Variants in ADGRB3 observed in about 807,000 individuals in gnomAD.
The protein encoded by ADGRB3 is adhesion G protein-coupled receptor B3.
ADGRB3 carries 37 observed loss-of-function variants against 193.4 expected under a neutral mutation model. The observed-to-expected ratio is 0.19, with a 90% confidence interval of 0.15 to 0.25. ADGRB3 has a LOEUF of 0.25. Among genes scored for constraint, ADGRB3 ranks in the 10% least tolerant of loss-of-function variants. The pLI is 1.00. For missense variants in ADGRB3, 1,637 were observed against 1,852.9 expected (o/e 0.88, Z 2.14); for synonymous variants, 690 against 644.2 (o/e 1.07, Z -1.08).
intron 13 of ADGRB3, among the ~76,000 whole-genome samples, chr6:69,019,368 T>C (rs985192841): frequency 7.9e-5 from 12 of 152,042 alleles, no homozygotes; most frequent in Non-Finnish European, 1.6e-4. Flanking sequence ...ATTTATGCTT[T>C]AGTTTCTGGA....
intron 11 of ADGRB3, among the ~76,000 whole-genome samples, chr6:69,007,026 T>A (rs1008854467): frequency 1.3e-5 from 2 of 152,112 alleles, no homozygotes; most frequent in Non-Finnish European, 2.9e-5. Context: ...GGGTCTCTTT[T>A]CTTAGCTATG....
intron 3 of ADGRB3, among the ~76,000 whole-genome samples, chr6:68,860,746 T>C (rs572385221): frequency 1.3e-5 from 2 of 152,336 alleles, no homozygotes; most frequent in African/African-American, 4.8e-5. Flanking sequence ...TTTTTTTTCC[T>C]GTGGGGAGAT....
At chr6:69,305,538 C>T (rs1460814012) in intron 20 of ADGRB3, among the ~76,000 whole-genome samples, 1 of 151,098 alleles carries the variant, frequency 6.6e-6, no homozygotes, top group African/African-American at 2.4e-5. Flanking sequence ...TACCCTTCTG[C>T]ATGTAAGTCC....
chr6:69,171,740 A>G (rs541144205), intron 17 of ADGRB3, among the ~76,000 whole-genome samples: 61 of 151,790 alleles, frequency 4.0e-4, no homozygotes, highest in African/African-American at 1.4e-3. Context: ...ACTTAGCATA[A>G]AGAATGAATA....
At chr6:68,836,347 C>A (rs1425195459) in intron 3 of ADGRB3, among the ~76,000 whole-genome samples, 3 of 142,824 alleles carry the variant, frequency 2.1e-5, no homozygotes, top group Non-Finnish European at 4.6e-5. Flanking sequence ...TTCTTCCCTG[C>A]ACCATTTTTT....
At chr6:69,150,420 T>C (rs1278025901) in intron 17 of ADGRB3, among the ~76,000 whole-genome samples, 3 of 152,186 alleles carry the variant, frequency 2.0e-5, no homozygotes. Flanking sequence ...AATTCCAGTC[T>C]ACTGTGAATG....
chr6:68,857,826 C>T (rs1765030758), intron 3 of ADGRB3, among the ~76,000 whole-genome samples: 1 of 152,124 alleles, frequency 6.6e-6, no homozygotes, highest in Admixed American at 6.5e-5. Flanking sequence ...ACCCAAATCT[C>T]ATCTTGTAGC....
intron 17 of ADGRB3, among the ~76,000 whole-genome samples, chr6:69,182,980 T>G (rs1276153264): frequency 2.6e-5 from 4 of 152,276 alleles, no homozygotes; most frequent in South Asian, 4.1e-4. Context: ...CTCATAAAAT[T>G]GAATAACTAC....
chr6:69,217,864 T>C (rs933674069), intron 17 of ADGRB3, among the ~76,000 whole-genome samples: 2 of 151,980 alleles, frequency 1.3e-5, no homozygotes, highest in African/African-American at 4.8e-5. Flanking sequence ...AATGTAACTA[T>C]AGCATTTTTC....
At chr6:68,757,282 GT>G (rs1766314977) in intron 3 of ADGRB3, among the ~76,000 whole-genome samples, 1 of 151,990 alleles carries the variant, frequency 6.6e-6, no homozygotes, top group Non-Finnish European at 1.5e-5. Flanking sequence ...CTCTTGCTGT[GT>G]TTTGCTCACC....
intron 17 of ADGRB3, among the ~76,000 whole-genome samples, chr6:69,230,948 A>T (rs1195875474): frequency 6.6e-6 from 1 of 152,240 alleles, no homozygotes; most frequent in Admixed American, 6.5e-5. Context: ...TATAGTTCTA[A>T]AGAATGATAA....
chr6:69,231,387 G>GT (rs2127256082), intron 17 of ADGRB3, among the ~76,000 whole-genome samples: 1 of 152,302 alleles, frequency 6.6e-6, no homozygotes, highest in South Asian at 2.1e-4. Flanking sequence ...ACTGAAAAGT[G>GT]TAAGTACTGG....
intron 17 of ADGRB3, among the ~76,000 whole-genome samples, chr6:69,196,802 T>C (rs1372027558): frequency 6.6e-6 from 1 of 152,150 alleles, no homozygotes; most frequent in Non-Finnish European, 1.5e-5. Context: ...TCATTCGTTT[T>C]GCTTTTATTT....
chr6:68,893,590 G>T (rs529837134), intron 3 of ADGRB3, among the ~76,000 whole-genome samples: 16 of 143,458 alleles, frequency 1.1e-4, no homozygotes, highest in African/African-American at 4.1e-4. Flanking sequence ...GATTTAAAAA[G>T]AAAAAAGAAA....
chr6:68,722,040 TG>T (rs1205512640), intron 3 of ADGRB3, among the ~76,000 whole-genome samples: 5 of 151,790 alleles, frequency 3.3e-5, no homozygotes, highest in East Asian at 1.9e-4. Context: ...ACATTATTCA[TG>T]TTTTTTTAGT....
chr6:69,092,739 A>T (rs1772749923), intron 17 of ADGRB3, among the ~76,000 whole-genome samples: 1 of 152,204 alleles, frequency 6.6e-6, no homozygotes, highest in Non-Finnish European at 1.5e-5. Context: ...TAGGGGACCC[A>T]GGGAGGTCAC....
chr6:68,696,948 T>C (rs1400203522), intron 3 of ADGRB3, among the ~76,000 whole-genome samples: 3 of 152,032 alleles, frequency 2.0e-5, no homozygotes. Context: ...GTGGTACTTC[T>C]TACTCTTAGA....
chr6:68,925,487 G>A (rs1446821436), intron 3 of ADGRB3, among the ~76,000 whole-genome samples: 2 of 151,934 alleles, frequency 1.3e-5, no homozygotes, highest in African/African-American at 4.8e-5. Context: ...CCTTAAGCCA[G>A]TCAGATGATG....
intron 20 of ADGRB3, among the ~76,000 whole-genome samples, chr6:69,292,570 G>C (rs1389094932): frequency 6.6e-6 from 1 of 151,860 alleles, no homozygotes; most frequent in Non-Finnish European, 1.5e-5. Flanking sequence ...CCCTTTTTCT[G>C]CTCTGCTCCA....
Sources: gnomAD v4.1 joint callset for allele counts (sites outside exome capture counted in the v4.1 genomes callset) on GRCh38, gnomAD v4.1.1 for gene constraint, MANE v1.5 for transcripts, NCBI Gene and HGNC (gene_info 2026-07-23, HGNC 2026-07-21) for gene names.